The following SPATA31H1 variants were observed in gnomAD, a reference collection of about 807,000 sequenced individuals.
SPATA31H1 encodes the protein spermatogenesis-associated protein 31H1.
At chr2:27,543,290 G>GT in the SPATA31H1 span, among the ~76,000 whole-genome samples, 3 of 151,780 alleles carry the variant, frequency 2.0e-5, no homozygotes, top group Non-Finnish European at 4.4e-5. Flanking sequence ...CATTTTGTCC[G>GT]TTTTTCATAA....
At chr2:27,562,581 T>TTATA in the SPATA31H1 span, among the ~76,000 whole-genome samples, 5 of 147,906 alleles carry the variant, frequency 3.4e-5, no homozygotes, top group Admixed American at 3.4e-4. Flanking sequence ...ATATATATAA[T>TTATA]TATATATATA....
the SPATA31H1 span, among the ~76,000 whole-genome samples, chr2:27,539,531 C>T: frequency 7.5e-5 from 9 of 120,532 alleles, no homozygotes; most frequent in East Asian, 2.3e-3. Context: ...CACACAGACC[C>T]GGCAACCATC....
chr2:27,576,414 G>A, the SPATA31H1 span: 1 of 604,954 alleles, frequency 1.7e-6, no homozygotes, highest in Middle Eastern at 4.4e-4. Context: ...TGTGGTATTT[G>A]TACCAGAGCC....
the SPATA31H1 span, chr2:27,568,661 G>A: frequency 1.5e-5 from 6 of 398,784 alleles, no homozygotes; most frequent in African/African-American, 2.1e-5. Context: ...GACCACCAAC[G>A]GAAGATACAA....
the SPATA31H1 span, among the ~76,000 whole-genome samples, chr2:27,549,017 G>T: frequency 1.4e-5 from 2 of 144,348 alleles, no homozygotes; most frequent in African/African-American, 5.2e-5. Context: ...GAAGTTGCAT[G>T]AGCTGAGATC....
chr2:27,580,230 G>A, the SPATA31H1 span: 1 of 1,614,140 alleles, frequency 6.2e-7, no homozygotes, highest in East Asian at 2.2e-5. Context: ...TTTGCAGTCT[G>A]GGCCTTCCCA....
chr2:27,576,998 A>G, the SPATA31H1 span: 5 of 1,614,108 alleles, frequency 3.1e-6, no homozygotes, highest in East Asian at 2.2e-5. Context: ...CAAAGTATCA[A>G]ATCCCTAAAT....
chr2:27,579,025 T>G, the SPATA31H1 span: 2 of 1,613,494 alleles, frequency 1.2e-6, no homozygotes, highest in Non-Finnish European at 1.7e-6. Context: ...ATTCTAGGAG[T>G]GGATGTAATA....
the SPATA31H1 span, among the ~76,000 whole-genome samples, chr2:27,540,400 A>AC: frequency 1.9e-3 from 129 of 68,588 alleles, no homozygotes; most frequent in African/African-American, 7.0e-3. Context: ...CGGGGGGCTG[A>AC]CCCCCCCACC....
At chr2:27,581,016 A>C in the SPATA31H1 span, 3 of 1,614,216 alleles carry the variant, frequency 1.9e-6, no homozygotes, top group South Asian at 3.3e-5. Context: ...TCAAAAGGAC[A>C]GTAGTAGCAG....
At chr2:27,571,845 A>T in the SPATA31H1 span, 1 of 398,506 alleles carries the variant, frequency 2.5e-6, no homozygotes, top group East Asian at 3.6e-5. Context: ...AAAATTTGTG[A>T]ATATAACCAG....
At chr2:27,537,871 T>G in the SPATA31H1 span, among the ~76,000 whole-genome samples, 1 of 152,014 alleles carries the variant, frequency 6.6e-6, no homozygotes, top group African/African-American at 2.4e-5. Context: ...ACATGGGAGG[T>G]AGACAGTATT....
chr2:27,571,076 G>A, the SPATA31H1 span: 5 of 398,464 alleles, frequency 1.3e-5, no homozygotes, highest in Non-Finnish European at 4.4e-6. Flanking sequence ...TAACCTCAGA[G>A]CCACAGCTAG....
chr2:27,537,797 A>G, the SPATA31H1 span, among the ~76,000 whole-genome samples: 1 of 152,106 alleles, frequency 6.6e-6, no homozygotes, highest in East Asian at 1.9e-4. Context: ...AGTGGGGGAG[A>G]TGGATATACA....
the SPATA31H1 span, among the ~76,000 whole-genome samples, chr2:27,562,876 G>A: frequency 6.7e-6 from 1 of 149,150 alleles, no homozygotes; most frequent in African/African-American, 2.5e-5. Context: ...GACAGAGTGA[G>A]ATTCTGTCTC....
At chr2:27,578,975 C>T in the SPATA31H1 span, 32 of 1,613,846 alleles carry the variant, frequency 2.0e-5, no homozygotes, top group Middle Eastern at 1.6e-4. Flanking sequence ...ATCAAAGCTC[C>T]GATAAGACAG....
chr2:27,553,688 G>A, the SPATA31H1 span, among the ~76,000 whole-genome samples: 1 of 152,040 alleles, frequency 6.6e-6, no homozygotes, highest in East Asian at 1.9e-4. Flanking sequence ...TTGGGAGGCT[G>A]AGGCAGGCAG....
At chr2:27,574,462 A>C in the SPATA31H1 span, 1 of 398,366 alleles carries the variant, frequency 2.5e-6, no homozygotes, top group Non-Finnish European at 4.4e-6. Context: ...CAGTTACAAG[A>C]TATAAAATCT....
At chr2:27,541,248 G>C in the SPATA31H1 span, among the ~76,000 whole-genome samples, 1 of 152,010 alleles carries the variant, frequency 6.6e-6, no homozygotes, top group Non-Finnish European at 1.5e-5. Flanking sequence ...AAACCAGTCA[G>C]GCGTGGCGTG....
Sources: allele counts gnomAD v4.1 joint callset (sites outside exome capture counted in the v4.1 genomes callset), GRCh38; gene constraint gnomAD v4.1.1; transcripts MANE v1.5; gene names NCBI Gene and HGNC (gene_info 2026-07-23, HGNC 2026-07-21).